Variants in PACRG observed in about 807,000 individuals in gnomAD.
PACRG encodes the protein parkin coregulated gene protein.
In PACRG, 29 loss-of-function variants were observed where a neutral mutation model predicts 29.7. That is an observed-to-expected ratio of 0.98 (90% CI 0.73 to 1.33). The LOEUF is 1.33. Among genes scored for constraint, PACRG ranks in the 40% most tolerant of loss-of-function variants. The probability of loss-of-function intolerance (pLI) is 0.00; values close to 1 mark genes in which losing one functional copy is unlikely to be tolerated. For synonymous variants in PACRG, 116 were observed against 118.7 expected, an observed-to-expected ratio of 0.98 and a Z score of 0.15; for missense variants, 279 against 316.2, an observed-to-expected ratio of 0.88 and a Z score of 0.89.
rs140540384 is a variant in PACRG, at chr6:162,971,099, C to T, written c.292-91051C>T. Among the ~76,000 whole-genome samples the T allele has an allele frequency of 1.5e-4, 23 of 152,346 alleles. No individual in the cohort carries two copies. The East Asian group carries it at 3.1e-3, about 20-fold the overall frequency. ...ACAAATTCAGATTGTAAAGACTGAC[C>T]TCTCTTCACTGTCACAGAGCATTCT... On this transcript the variant is annotated intron_variant, in intron 2 of 4. Transcript: ENST00000366888.
rs375639116 is a variant in PACRG, at chr6:163,155,210, G to A, written c.613+65802G>A. Among the ~76,000 whole-genome samples the A allele has an allele frequency of 5.3e-5, 8 of 152,262 alleles. No homozygotes were observed. In the South Asian group the frequency reaches 1.5e-3, roughly 28 times the overall value. On this transcript the variant is annotated intron_variant, in intron 4 of 4. Transcript: ENST00000366888. ...CAAACAGGCATGAAAGACCCTTCCC[G>A]AGCCCGCTTTCCAAAGATACGTATG...
chr6:163,049,747 T>C (rs73784001), intron 2 of PACRG, among the ~76,000 whole-genome samples: 9 of 152,210 alleles, frequency 5.9e-5, no homozygotes, highest in African/African-American at 1.9e-4. Flanking sequence ...ATACCATTTT[T>C]AACTATAATA....
intron 4 of PACRG, among the ~76,000 whole-genome samples, chr6:163,162,404 G>A (rs753253918): frequency 2.1e-4 from 32 of 152,208 alleles, no homozygotes; most frequent in Non-Finnish European, 4.4e-4. Context: ...AATCCCACTT[G>A]TTGTGCAATA....
chr6:163,201,425 T>C (rs1284769380), intron 4 of PACRG, among the ~76,000 whole-genome samples: 1 of 152,174 alleles, frequency 6.6e-6, no homozygotes, highest in African/African-American at 2.4e-5. Context: ...GATTCGGGTG[T>C]TCCCTGAGCT....
chr6:163,274,999 A>T (rs147954857), intron 4 of PACRG, among the ~76,000 whole-genome samples: 1,672 of 151,888 alleles, frequency 0.011, 33 homozygotes, highest in African/African-American at 0.039. Flanking sequence ...AGTAGCTGAG[A>T]TTACAGGCGT....
At chr6:163,039,300 TC>T (rs1808482610) in intron 2 of PACRG, among the ~76,000 whole-genome samples, 1 of 152,208 alleles carries the variant, frequency 6.6e-6, no homozygotes, top group Non-Finnish European at 1.5e-5. Flanking sequence ...CAATTAAACC[TC>T]TTTCCTTCAT....
At chr6:162,870,028 T>A (rs1279009777) in intron 2 of PACRG, among the ~76,000 whole-genome samples, 1 of 152,172 alleles carries the variant, frequency 6.6e-6, no homozygotes, top group East Asian at 1.9e-4. Flanking sequence ...TAAAAGATGA[T>A]CTGCCCCTGG....
intron 2 of PACRG, among the ~76,000 whole-genome samples, chr6:162,867,544 T>G (rs569504489): frequency 6.6e-6 from 1 of 152,274 alleles, no homozygotes; most frequent in South Asian, 2.1e-4. Context: ...AAGGGGACTC[T>G]CCTCTCTCCG....
intron 4 of PACRG, among the ~76,000 whole-genome samples, chr6:163,305,849 C>T (rs1469143323): frequency 6.6e-6 from 1 of 152,152 alleles, no homozygotes; most frequent in Admixed American, 6.5e-5. Context: ...CAGTATCTCC[C>T]CATCACTTAC....
chr6:162,727,537 A>G (rs1779331369), upstream of PACRG: 1 of 1,100,468 alleles, frequency 9.1e-7, no homozygotes, highest in Non-Finnish European at 1.3e-6. Flanking sequence ...CGGGGACGGC[A>G]CGGGCACTTT....
intron 1 of PACRG, among the ~76,000 whole-genome samples, chr6:162,764,812 C>A (rs561339721): frequency 1.3e-5 from 2 of 151,252 alleles, no homozygotes; most frequent in Admixed American, 6.6e-5. Context: ...GGCATGATCT[C>A]GGCTCAGTGC....
intron 4 of PACRG, among the ~76,000 whole-genome samples, chr6:163,147,886 A>G (rs911647255): frequency 4.6e-5 from 7 of 152,206 alleles, no homozygotes; most frequent in Non-Finnish European, 8.8e-5. Flanking sequence ...CAACCAGAAT[A>G]GAAATGGACT....
intron 4 of PACRG, among the ~76,000 whole-genome samples, chr6:163,141,761 A>G (rs1350401512): frequency 6.6e-6 from 1 of 152,178 alleles, no homozygotes; most frequent in Non-Finnish European, 1.5e-5. Flanking sequence ...ATCCTGTATT[A>G]TCCTAACAAT....
chr6:162,947,384 A>ATATATATATCATATG (rs1562765978), intron 2 of PACRG, among the ~76,000 whole-genome samples: 33 of 37,942 alleles, frequency 8.7e-4, no homozygotes, highest in African/African-American at 1.9e-3. Flanking sequence ...AATCATATAT[A>ATATATATATCATATG]TAATCATATA....
intron 3 of PACRG, among the ~76,000 whole-genome samples, chr6:163,073,914 A>G (rs1184529257): frequency 1.3e-5 from 2 of 152,202 alleles, no homozygotes; most frequent in Admixed American, 1.3e-4. Context: ...GCTTTTATCC[A>G]AAAGACAGGC....
chr6:163,185,124 A>G (rs1045962567), intron 4 of PACRG, among the ~76,000 whole-genome samples: 1 of 152,212 alleles, frequency 6.6e-6, no homozygotes, highest in African/African-American at 2.4e-5. Context: ...GTTTGTAGCC[A>G]GGGATGGGGA....
At chr6:162,861,276 AATTCAATTGGCTG>A (rs575822495) in intron 2 of PACRG, among the ~76,000 whole-genome samples, 130 of 152,342 alleles carry the variant, frequency 8.5e-4, no homozygotes, top group African/African-American at 3.0e-3. Context: ...CTGATGTCTT[AATTCAATTGGCTG>A]ATATATATTC....
At chr6:163,149,048 G>A (rs1318432621) in intron 4 of PACRG, among the ~76,000 whole-genome samples, 1 of 143,592 alleles carries the variant, frequency 7.0e-6, no homozygotes, top group South Asian at 2.2e-4. Flanking sequence ...TGTCACTGTC[G>A]ACTGGCTCTG....
intron 4 of PACRG, among the ~76,000 whole-genome samples, chr6:163,213,673 A>AT (rs1174070691): frequency 6.6e-6 from 1 of 151,808 alleles, no homozygotes; most frequent in Non-Finnish European, 1.5e-5. Flanking sequence ...TGTTTTGGTT[A>AT]TTTTTTTCTC....
Sources: allele counts gnomAD v4.1 joint callset (sites outside exome capture counted in the v4.1 genomes callset), GRCh38; gene constraint gnomAD v4.1.1; transcripts MANE v1.5; gene names NCBI Gene and HGNC (gene_info 2026-07-23, HGNC 2026-07-21).